SEMA3A: variants seen among roughly 807,000 people sequenced by gnomAD.
SEMA3A encodes the protein semaphorin-3A.
In SEMA3A, 29 loss-of-function variants were observed where a neutral mutation model predicts 97.9. The observed-to-expected ratio is 0.30, with a 90% CI of 0.22 to 0.40. The LOEUF (loss-of-function observed/expected upper bound fraction) is 0.40. Among genes scored for constraint, SEMA3A ranks in the 10% least tolerant of loss-of-function variants. The pLI is 1.00. For synonymous variants in SEMA3A, 321 were observed against 323.7 expected, an observed-to-expected ratio of 0.99 and a Z score of 0.09; for missense variants, 763 against 951.3, an observed-to-expected ratio of 0.80 and a Z score of 2.60.
intron 2 of SEMA3A, among the ~76,000 whole-genome samples, chr7:84,321,049 G>A (rs555205685): frequency 2.6e-5 from 4 of 152,206 alleles, no homozygotes; most frequent in Admixed American, 1.3e-4. Context: ...TTAGGAAAGA[G>A]TTCTTATTTG....
rs58083024 is a variant in SEMA3A, at chr7:83,971,430, C to CAAAAA, written c.1717+5697_1717+5701dup. Among the ~76,000 whole-genome samples, 16 of 132,786 alleles carry CAAAAA rather than the reference C, an allele frequency of 1.2e-4. No individual in the cohort carries two copies. The Middle Eastern group carries it at 0.014, about 114-fold the overall frequency. 87.1% of individuals were successfully genotyped at this position (132,786 alleles called of 152,430 possible). Reference sequence around the variant, plus strand: ...TTGGGCAATAAGAGCGAAACTCCATCAAAAAAAAAAAAAAAACCTAACAAA... The same window carrying CAAAAA: ...TTGGGCAATAAGAGCGAAACTCCATCAAAAAAAAAAAAAAAAAAAAACCTAACAAA... On this transcript the variant is annotated intron_variant, in intron 15 of 16. Coordinates refer to ENST00000265362, the MANE Select transcript of SEMA3A (RefSeq NM_006080.3).
chr7:84,332,855 T>C (rs1657105931), intron 2 of SEMA3A, among the ~76,000 whole-genome samples: 2 of 152,170 alleles, frequency 1.3e-5, no homozygotes, highest in African/African-American at 4.8e-5. Flanking sequence ...ATTATTTACA[T>C]GTCTTGACTC....
At chr7:84,062,009 G>A (rs866106079) in intron 4 of SEMA3A, among the ~76,000 whole-genome samples, 1 of 152,138 alleles carries the variant, frequency 6.6e-6, no homozygotes, top group South Asian at 2.1e-4. Context: ...ATATCTCTGA[G>A]CCTCTGGTCC....
At chr7:83,993,445 G>T (rs1790053961) in intron 12 of SEMA3A, among the ~76,000 whole-genome samples, 1 of 151,738 alleles carries the variant, frequency 6.6e-6, no homozygotes, top group South Asian at 2.1e-4. Flanking sequence ...ATTTTGCAGT[G>T]GCTGGTACCG....
intron 3 of SEMA3A, among the ~76,000 whole-genome samples, chr7:84,273,778 C>T (rs1800215639): frequency 6.6e-6 from 1 of 151,918 alleles, no homozygotes; most frequent in African/African-American, 2.4e-5. Context: ...GCTCTTTGTC[C>T]TGCTCTATTT....
chr7:84,159,281 T>A (rs1796951208), intron 1 of SEMA3A, among the ~76,000 whole-genome samples: 1 of 152,206 alleles, frequency 6.6e-6, no homozygotes, highest in Admixed American at 6.5e-5. Context: ...TTTTAGTGCT[T>A]AATACAATTA....
intron 1 of SEMA3A, among the ~76,000 whole-genome samples, chr7:84,463,363 C>G (rs1281098640): frequency 6.6e-6 from 1 of 150,528 alleles, no homozygotes; most frequent in Non-Finnish European, 1.5e-5. Flanking sequence ...ATTCTCCTGC[C>G]TCAGCCTCCC....
At chr7:84,401,285 G>A (rs1055484056) in intron 1 of SEMA3A, among the ~76,000 whole-genome samples, 4 of 151,850 alleles carry the variant, frequency 2.6e-5, no homozygotes, top group Non-Finnish European at 4.4e-5. Context: ...AAATACCTGG[G>A]AATAAATTTA....
At chr7:84,295,962 C>A (rs1800860354) in intron 3 of SEMA3A, among the ~76,000 whole-genome samples, 1 of 152,008 alleles carries the variant, frequency 6.6e-6, no homozygotes, top group Non-Finnish European at 1.5e-5. Context: ...GTGTTAGAAG[C>A]AGCAAGAAAT....
intron 2 of SEMA3A, among the ~76,000 whole-genome samples, chr7:84,360,043 G>C (rs1309423676): frequency 1.3e-5 from 2 of 150,670 alleles, no homozygotes; most frequent in African/African-American, 4.9e-5. Flanking sequence ...TTCTTTATTA[G>C]TCTTGCTAGT....
intron 1 of SEMA3A, among the ~76,000 whole-genome samples, chr7:84,444,744 G>A (rs978947846): frequency 5.9e-4 from 89 of 151,810 alleles, no homozygotes; most frequent in African/African-American, 2.1e-3. Context: ...TGTATTTTTA[G>A]TAGAGACGGG....
intron 10 of SEMA3A, among the ~76,000 whole-genome samples, 153 bp downstream of exon 10, chr7:84,007,200 A>C (rs1389267946): frequency 6.6e-6 from 1 of 152,220 alleles, no homozygotes; most frequent in Non-Finnish European, 1.5e-5. Context: ...ATTTCATTCA[A>C]TCATGGAAAA....
At chr7:84,353,815 T>C (rs1296797407) in intron 2 of SEMA3A, among the ~76,000 whole-genome samples, 1 of 151,682 alleles carries the variant, frequency 6.6e-6, no homozygotes, top group Non-Finnish European at 1.5e-5. Context: ...AAACATGGAA[T>C]CTAACATAAA....
intron 1 of SEMA3A, among the ~76,000 whole-genome samples, chr7:84,432,390 A>G (rs1805003349): frequency 6.6e-6 from 1 of 151,848 alleles, no homozygotes; most frequent in Admixed American, 6.6e-5. Flanking sequence ...TATTTTTATT[A>G]TTTCAACATT....
At chr7:84,488,508 A>C (rs1755361286) in intron 1 of SEMA3A, among the ~76,000 whole-genome samples, 1 of 151,944 alleles carries the variant, frequency 6.6e-6, no homozygotes, top group Admixed American at 6.6e-5. Context: ...GCAGGCGGGA[A>C]TGTGTTTAGG....
At chr7:84,327,714 A>G (rs1226026456) in intron 2 of SEMA3A, among the ~76,000 whole-genome samples, 2 of 151,948 alleles carry the variant, frequency 1.3e-5, no homozygotes, top group Non-Finnish European at 2.9e-5. Context: ...ACTAGCTCCA[A>G]TTTTATAACT....
intron 1 of SEMA3A, among the ~76,000 whole-genome samples, chr7:84,463,925 G>A (rs771131595): frequency 1.3e-5 from 2 of 151,916 alleles, no homozygotes; most frequent in East Asian, 1.9e-4. Flanking sequence ...GACAAGGTCC[G>A]TACCTGATAT....
intron 3 of SEMA3A, among the ~76,000 whole-genome samples, chr7:84,226,215 C>G (rs1281848050): frequency 6.6e-6 from 1 of 151,960 alleles, no homozygotes; most frequent in Non-Finnish European, 1.5e-5. Context: ...GAACAAGATT[C>G]AGGACAGGGA....
At chr7:83,968,670 AT>A (rs1788803157) in intron 15 of SEMA3A, among the ~76,000 whole-genome samples, 1 of 151,362 alleles carries the variant, frequency 6.6e-6, no homozygotes, top group Admixed American at 6.6e-5. Context: ...CATTGTTGTT[AT>A]TTTTATCTTA....
Sources: gnomAD v4.1 joint callset for allele counts (sites outside exome capture counted in the v4.1 genomes callset) on GRCh38, gnomAD v4.1.1 for gene constraint, MANE v1.5 for transcripts, NCBI Gene and HGNC (gene_info 2026-07-23, HGNC 2026-07-21) for gene names.